ATP9B: variants seen among roughly 807,000 people sequenced by gnomAD.
ATP9B encodes ATPase phospholipid transporting 9B.
A neutral mutation model predicts 146.1 loss-of-function variants in ATP9B; 110 were observed. The observed-to-expected ratio is 0.75, with a 90% confidence interval of 0.65 to 0.88. ATP9B has a LOEUF of 0.88. Ranked by LOEUF, ATP9B falls within the 40% of genes least tolerant of loss-of-function variation. ATP9B has a pLI of 0.00. For missense variants in ATP9B, 1,499 were observed against 1,496.4 expected, an observed-to-expected ratio of 1.00 and a Z score of -0.03; for synonymous variants, 604 against 569.7, an observed-to-expected ratio of 1.06 and a Z score of -0.86.
chr18:79,300,513 G>T (rs891481850), intron 13 of ATP9B, among the ~76,000 whole-genome samples: 4 of 152,188 alleles, frequency 2.6e-5, no homozygotes, highest in Admixed American at 2.6e-4. Context: ...TGAGGGAGAG[G>T]CGAGGCTGGG....
intron 1 of ATP9B, among the ~76,000 whole-genome samples, chr18:79,090,052 C>A (rs916344749): frequency 6.6e-6 from 1 of 152,184 alleles, no homozygotes; most frequent in African/African-American, 2.4e-5. Flanking sequence ...GCTTATTTTA[C>A]TTAAAATAAT....
intron 8 of ATP9B, among the ~76,000 whole-genome samples, chr18:79,190,314 C>A (rs1444289661): frequency 6.6e-6 from 1 of 152,022 alleles, no homozygotes; most frequent in Non-Finnish European, 1.5e-5. Context: ...AAAAAAAATT[C>A]TAGGGTATGT....
intron 1 of ATP9B, among the ~76,000 whole-genome samples, chr18:79,079,105 A>G (rs1398114438): frequency 6.6e-6 from 1 of 152,174 alleles, no homozygotes; most frequent in African/African-American, 2.4e-5. Context: ...TATTGTGAGT[A>G]GTGCTGCAGT....
chr18:79,302,336 C>G (rs2096595880), intron 13 of ATP9B, among the ~76,000 whole-genome samples: 1 of 149,778 alleles, frequency 6.7e-6, no homozygotes, highest in Non-Finnish European at 1.5e-5. Context: ...AGTGCACACA[C>G]CCCCCGGGGA....
chr18:79,101,760 G>C (rs1227403408), intron 2 of ATP9B, among the ~76,000 whole-genome samples: 1 of 152,098 alleles, frequency 6.6e-6, no homozygotes, highest in Admixed American at 6.5e-5. Context: ...CTTAATGCTA[G>C]GGAGGTTGGA....
intron 2 of ATP9B, among the ~76,000 whole-genome samples, chr18:79,110,133 T>A (rs1167736921): frequency 6.6e-6 from 1 of 152,164 alleles, no homozygotes; most frequent in Non-Finnish European, 1.5e-5. Context: ...AGAAAGATAA[T>A]TCCCCTGGGG....
At chr18:79,327,815 T>C (rs1288342692) in intron 15 of ATP9B, among the ~76,000 whole-genome samples, 12 of 129,748 alleles carry the variant, frequency 9.2e-5, no homozygotes, top group African/African-American at 3.7e-4. Context: ...GTTAGCGTGT[T>C]CTCCGTGGTT....
intron 11 of ATP9B, among the ~76,000 whole-genome samples, chr18:79,234,395 T>C (rs113404104): frequency 6.6e-6 from 1 of 152,248 alleles, no homozygotes; most frequent in Non-Finnish European, 1.5e-5. Flanking sequence ...CGTGTGCTCC[T>C]GCACACACAT....
intron 2 of ATP9B, among the ~76,000 whole-genome samples, chr18:79,104,399 C>A (rs1246536680): frequency 1.3e-5 from 2 of 152,076 alleles, no homozygotes; most frequent in African/African-American, 2.4e-5. Flanking sequence ...TCTTCACAGA[C>A]CCTGTGTGTT....
chr18:79,120,379 T>G (rs557902573), intron 4 of ATP9B, among the ~76,000 whole-genome samples: 1 of 152,336 alleles, frequency 6.6e-6, no homozygotes, highest in South Asian at 2.1e-4. Flanking sequence ...TACTTCAAAC[T>G]TACTCCCTCT....
intron 27 of ATP9B, among the ~76,000 whole-genome samples, chr18:79,373,451 T>G (rs1010264938): frequency 1.1e-4 from 16 of 152,102 alleles, no homozygotes; most frequent in Non-Finnish European, 2.4e-4. Context: ...TTTAAGTGAC[T>G]TGTTCATCAG....
At chr18:79,236,165 C>T (rs917606081) in intron 11 of ATP9B, among the ~76,000 whole-genome samples, 3 of 152,146 alleles carry the variant, frequency 2.0e-5, no homozygotes, top group East Asian at 1.9e-4. Flanking sequence ...GTCTATCTTA[C>T]GTTATTTTAA....
intron 7 of ATP9B, among the ~76,000 whole-genome samples, chr18:79,174,848 A>T (rs1386364061): frequency 1.3e-5 from 2 of 152,110 alleles, no homozygotes; most frequent in Non-Finnish European, 2.9e-5. Flanking sequence ...AGATGTCTAC[A>T]TGTCTCTCTT....
At chr18:79,238,314 T>C (rs954638362) in intron 11 of ATP9B, among the ~76,000 whole-genome samples, 1 of 152,032 alleles carries the variant, frequency 6.6e-6, no homozygotes, top group African/African-American at 2.4e-5. Flanking sequence ...GTCCGAATGC[T>C]GCTGTCATCT....
At position 79,296,435 on chromosome 18, in the gene ATP9B, G is replaced by A. The variant is rs193142750; in HGVS notation, c.1412-7169G>A. Among the ~76,000 whole-genome samples the A allele has an allele frequency of 3.2e-4, 49 of 152,334 alleles. No individual in the cohort carries two copies. In the East Asian group the frequency reaches 9.3e-3, roughly 29 times the overall value. Reference sequence around the variant, plus strand: ...TGTGTGGCTTTAAATTTATCTGCATGTTGCCAAACCTGTGGTGAGAATCCT... The same window carrying A: ...TGTGTGGCTTTAAATTTATCTGCATATTGCCAAACCTGTGGTGAGAATCCT... On this transcript the variant is annotated intron_variant, in intron 13 of 29. Transcript: ENST00000426216.
intron 4 of ATP9B, among the ~76,000 whole-genome samples, chr18:79,119,093 C>G (rs1834528398): frequency 1.4e-5 from 2 of 146,946 alleles, no homozygotes; most frequent in South Asian, 4.2e-4. Context: ...AAAAAAATTG[C>G]CTTGTGGGTT....
At chr18:79,177,144 C>G (rs2095183858) in intron 8 of ATP9B, among the ~76,000 whole-genome samples, 1 of 152,104 alleles carries the variant, frequency 6.6e-6, no homozygotes, top group Admixed American at 6.5e-5. Flanking sequence ...TTTTCTTTCT[C>G]CTTCTGCTCA....
intron 4 of ATP9B, chr18:79,117,485 C>T (rs1052219130): frequency 6.6e-6 from 1 of 152,232 alleles, no homozygotes; most frequent in Non-Finnish European, 1.5e-5. Flanking sequence ...AGATATGAAA[C>T]AGGGAAGAGT....
At chr18:79,320,408 G>T (rs551771758) in intron 15 of ATP9B, among the ~76,000 whole-genome samples, 16 of 152,212 alleles carry the variant, frequency 1.1e-4, no homozygotes, top group Non-Finnish European at 2.1e-4. Flanking sequence ...AAGTAAGACT[G>T]CCTGGTGGAG....
Sources: gnomAD v4.1 joint callset for allele counts (sites outside exome capture counted in the v4.1 genomes callset) on GRCh38, gnomAD v4.1.1 for gene constraint, MANE v1.5 for transcripts, NCBI Gene and HGNC (gene_info 2026-07-23, HGNC 2026-07-21) for gene names.